Variants in RBMS3 observed in about 807,000 individuals in gnomAD.
RBMS3 encodes the protein RNA-binding motif, single-stranded-interacting protein 3.
A neutral mutation model predicts 66.8 loss-of-function variants in RBMS3; 27 were observed. The observed-to-expected ratio is 0.40, with a 90% confidence interval of 0.30 to 0.56. The LOEUF (loss-of-function observed/expected upper bound fraction) is 0.56. Ranked by LOEUF, RBMS3 falls within the 20% of genes least tolerant of loss-of-function variation. The pLI is 0.40. For missense variants in RBMS3, 513 were observed against 549.5 expected (o/e 0.93, Z 0.66); for synonymous variants, 188 against 183.0 (o/e 1.03, Z -0.22).
chr3:29,574,651 C>A (rs1225716032), intron 3 of RBMS3, among the ~76,000 whole-genome samples: 1 of 151,986 alleles, frequency 6.6e-6, no homozygotes, highest in East Asian at 1.9e-4. Flanking sequence ...ACCTTCCTTT[C>A]AGTCTTCCTT....
intron 1 of RBMS3, among the ~76,000 whole-genome samples, chr3:29,323,996 G>GAAAAAAA (rs34678893): frequency 6.9e-6 from 1 of 145,504 alleles, no homozygotes. Context: ...TGCCCACTCT[G>GAAAAAAA]AAAAAAAAAA....
At chr3:29,610,590 G>A (rs1051460479) in intron 4 of RBMS3, among the ~76,000 whole-genome samples, 1 of 151,968 alleles carries the variant, frequency 6.6e-6, no homozygotes, top group Non-Finnish European at 1.5e-5. Context: ...CTTTCCTTCT[G>A]ATCTCTCCCA....
intron 6 of RBMS3, among the ~76,000 whole-genome samples, chr3:29,854,855 G>A (rs1220332176): frequency 1.3e-5 from 2 of 152,108 alleles, no homozygotes; most frequent in African/African-American, 4.8e-5. Flanking sequence ...AAGTTTTATA[G>A]TCCAAAATAG....
chr3:29,838,391 C>G (rs2058581345), intron 6 of RBMS3, among the ~76,000 whole-genome samples: 1 of 151,794 alleles, frequency 6.6e-6, no homozygotes, highest in African/African-American at 2.4e-5. Flanking sequence ...CAAATATATT[C>G]ATTATTCATT....
At chr3:29,936,815 G>T (rs2061277052) in intron 11 of RBMS3, among the ~76,000 whole-genome samples, 1 of 151,950 alleles carries the variant, frequency 6.6e-6, no homozygotes, top group Admixed American at 6.6e-5. Flanking sequence ...ATTGCAGCCT[G>T]GATTTTGTAT....
chr3:29,799,140 G>A (rs928631673), intron 6 of RBMS3, among the ~76,000 whole-genome samples: 2 of 152,070 alleles, frequency 1.3e-5, no homozygotes, highest in Non-Finnish European at 2.9e-5. Flanking sequence ...TCCATAAATG[G>A]AGTTGACCTA....
At chr3:29,323,535 G>A (rs1301738568) in intron 1 of RBMS3, among the ~76,000 whole-genome samples, 1 of 151,938 alleles carries the variant, frequency 6.6e-6, no homozygotes, top group Non-Finnish European at 1.5e-5. Context: ...AAAAATGCAG[G>A]TTTAACTCCA....
intron 12 of RBMS3, among the ~76,000 whole-genome samples, chr3:29,971,090 G>T (rs1697199142): frequency 6.6e-6 from 1 of 151,496 alleles, no homozygotes; most frequent in African/African-American, 2.4e-5. Context: ...CTCCTCCAGT[G>T]TCTTCTCTCT....
At chr3:29,574,187 G>A (rs2047032574) in intron 3 of RBMS3, among the ~76,000 whole-genome samples, 1 of 152,044 alleles carries the variant, frequency 6.6e-6, no homozygotes, top group African/African-American at 2.4e-5. Context: ...TTGTATTGAG[G>A]TCTACCTTTC....
intron 1 of RBMS3, among the ~76,000 whole-genome samples, chr3:29,330,386 G>C (rs2035582631): frequency 6.6e-6 from 1 of 152,080 alleles, no homozygotes; most frequent in South Asian, 2.1e-4. Flanking sequence ...GATACACTTT[G>C]GAAGAAGTAA....
intron 8 of RBMS3, among the ~76,000 whole-genome samples, chr3:29,896,869 C>T (rs1408482594): frequency 6.6e-6 from 1 of 151,592 alleles, no homozygotes; most frequent in East Asian, 1.9e-4. Context: ...CCCATTCCAA[C>T]CTCGATACAA....
chr3:29,472,784 C>T (rs2042783604), intron 2 of RBMS3, among the ~76,000 whole-genome samples: 1 of 152,062 alleles, frequency 6.6e-6, no homozygotes, highest in Non-Finnish European at 1.5e-5. Flanking sequence ...AGTGTGGACC[C>T]AAAGAGTGAG....
chr3:29,463,565 C>T (rs1356009459), intron 2 of RBMS3, among the ~76,000 whole-genome samples: 1 of 150,414 alleles, frequency 6.6e-6, no homozygotes, highest in African/African-American at 2.5e-5. Flanking sequence ...AAATACAGGG[C>T]CACTTGTCAA....
intron 4 of RBMS3, among the ~76,000 whole-genome samples, chr3:29,644,263 T>G (rs1368756603): frequency 1.3e-5 from 2 of 152,194 alleles, no homozygotes; most frequent in African/African-American, 4.8e-5. Context: ...AAATTTGAAA[T>G]CCTGTGTTAA....
rs148887973 is a variant in RBMS3 at position 29,961,101 on chromosome 3, A to G, written c.1098+16847A>G. Among the ~76,000 whole-genome samples, 723 of 151,982 alleles carry G rather than the reference A, an allele frequency of 4.8e-3. 3 individuals carry two copies. Among genetic ancestry groups the G allele is most frequent in the African/African-American group, 0.017 (690 of 41,472 alleles). ...ATTTTCCAAACTTTTATGCTGTGTC[A>G]CCTCTTGAATATTTTGTGGCCTAGA... is the stretch of plus-strand genomic sequence containing the variant. On this transcript the variant is annotated intron_variant, in intron 12 of 14. Coordinates refer to ENST00000383767, the MANE Select transcript of RBMS3 (RefSeq NM_001003793.3).
At chr3:29,838,625 G>A (rs2058587815) in intron 6 of RBMS3, among the ~76,000 whole-genome samples, 1 of 152,146 alleles carries the variant, frequency 6.6e-6, no homozygotes, top group African/African-American at 2.4e-5. Context: ...TGAGACATTT[G>A]TCGCACATTT....
chr3:29,749,063 A>G (rs2055059262), intron 5 of RBMS3, among the ~76,000 whole-genome samples: 1 of 152,338 alleles, frequency 6.6e-6, no homozygotes, highest in East Asian at 1.9e-4. Flanking sequence ...CAGAAGCAGT[A>G]AAACAGTGAG....
intron 4 of RBMS3, among the ~76,000 whole-genome samples, chr3:29,713,053 T>G (rs2053240739): frequency 6.6e-6 from 1 of 152,112 alleles, no homozygotes; most frequent in African/African-American, 2.4e-5. Flanking sequence ...GATGTGATTT[T>G]GGTAATATTA....
chr3:29,428,206 G>A (rs779827325), intron 1 of RBMS3, among the ~76,000 whole-genome samples: 3 of 152,044 alleles, frequency 2.0e-5, no homozygotes, highest in Non-Finnish European at 4.4e-5. Context: ...TTCTCAACTG[G>A]AAGAGATTTC....
Sources: gnomAD v4.1 joint callset for allele counts (sites outside exome capture counted in the v4.1 genomes callset) on GRCh38, gnomAD v4.1.1 for gene constraint, MANE v1.5 for transcripts, NCBI Gene and HGNC (gene_info 2026-07-23, HGNC 2026-07-21) for gene names.